MIA3: variants seen among roughly 807,000 people sequenced by gnomAD.
MIA3 encodes transport and Golgi organization protein 1 homolog.
A neutral mutation model predicts 192.4 loss-of-function variants in MIA3; 90 were observed. The observed-to-expected ratio is 0.47, with a 90% CI of 0.39 to 0.56. The LOEUF (loss-of-function observed/expected upper bound fraction) is 0.56, where lower values mean the gene tolerates loss of function less well. MIA3 is among the 20% of genes least tolerant of loss of function. The pLI is 0.00. For missense variants in MIA3, 2,123 were observed against 2,269.4 expected (o/e 0.94, Z 1.31); for synonymous variants, 740 against 792.8 (o/e 0.93, Z 1.12).
intron 3 of MIA3, among the ~76,000 whole-genome samples, chr1:222,627,135 G>A (rs746852907): frequency 7.2e-5 from 11 of 152,226 alleles, no homozygotes; most frequent in Non-Finnish European, 1.5e-4. Flanking sequence ...GGAGTATGCA[G>A]AAATAATGGG....
chr1:222,629,952 G>A lies in MIA3; in HGVS notation c.2732G>A (p.Ser911Asn). 6.2e-7 allele frequency: 1 copy of A among 1,614,136 alleles called. No homozygotes were observed. Among genetic ancestry groups the A allele is most frequent in the Non-Finnish European group, 8.5e-7 (1 of 1,180,034 alleles). The change falls in exon 4 of 28, where the codon AGT becomes AAT. Residue 911 changes from serine (S) to asparagine (N), a missense_variant. Ser to Asn is a conservative substitution (Grantham distance 46, BLOSUM62 1). This residue lies in a region of MIA3 where 1,357 missense variants were observed against 1,396.1 expected (regional missense o/e 0.97). Coordinates refer to ENST00000344922, the MANE Select transcript of MIA3 (RefSeq NM_198551.4). ...TCGTTCCACTGGACTCCACATACAAGTGTAGAGCCAGGGCATAGTGACAAG... is the reference window on the plus strand; with the variant it reads ...TCGTTCCACTGGACTCCACATACAAATGTAGAGCCAGGGCATAGTGACAAG... ...DDSFHWTPHT[S>N]VEPGHSDKRE... is the part of the protein sequence containing the mutation.
chr1:222,651,008 C>G, intron 11 of MIA3, 105 bp downstream of exon 11: 2 of 667,076 alleles, frequency 3.0e-6, no homozygotes, highest in Non-Finnish European at 2.5e-6. Context: ...AGTAAGAGTG[C>G]GAGTCAGGGA....
Position 222,659,771 on chromosome 1 carries a change from A to G in MIA3, c.4844A>G (p.Glu1615Gly). The change falls in exon 22 of 28, where the codon GAG (glutamate) becomes GGG (glycine). Residue 1615 changes from glutamate (E) to glycine (G), a missense_variant. Physicochemically the swap from Glu to Gly is moderately conservative, Grantham distance 98. This residue lies in a region of MIA3 where 762 missense variants were observed against 856.4 expected (regional missense o/e 0.89). Transcript: ENST00000344922. ...GCTGCAGAAAGAGCTATAGCTGAAG[A>G]GAAAAGGGAAGCTGCCAATTTGAGA... ...ARAAERAIAE[E>G]KREAANLRHK... is the part of the protein sequence containing the mutation. The G allele has an allele frequency of 6.2e-7, 1 of 1,614,142 alleles. No individual in the cohort carries two copies. The highest frequency in any genetic ancestry group is 1.6e-4 in the Middle Eastern group (1 of 6,062).
chr1:222,652,880 A>G, intron 13 of MIA3, 128 bp from the exon 14 acceptor site: 1 of 979,446 alleles, frequency 1.0e-6, no homozygotes. Flanking sequence ...CACTTAACCA[A>G]GGTCTTAGCC....
chr1:222,628,304 G>A lies in MIA3; in HGVS notation c.1084G>A (p.Asp362Asn), dbSNP rs1571865328. The A allele has an allele frequency of 1.2e-6, 2 of 1,613,864 alleles. No homozygotes were observed. Among genetic ancestry groups the A allele is most frequent in the Non-Finnish European group, 8.5e-7 (1 of 1,179,960 alleles). ...TDKEQNSNEE[D>N]KVQLTVPPGI... ...TAAAGAGCAGAATTCAAATGAAGAG[G>A]ACAAGGTTCAGCTAACTGTGCCCCC... The change falls in exon 4 of 28, where the codon GAC becomes AAC. Residue 362 changes from aspartate (D) to asparagine (N), a missense_variant. Physicochemically the swap from Asp to Asn is conservative, Grantham distance 23 (BLOSUM62 1). Around this residue, in one of 3 missense-constraint regions of MIA3, gnomAD observed 1,357 missense variants for 1,396.1 expected, o/e 0.97. Transcript: ENST00000344922.
intron 9 of MIA3, 112 bp downstream of exon 9, chr1:222,650,492 T>C (rs1253613960): frequency 1.2e-6 from 1 of 816,198 alleles, no homozygotes; most frequent in Non-Finnish European, 2.0e-6. Context: ...ATTATTACAT[T>C]AATTCCTATA....
At chr1:222,632,648 G>C (rs1662450837) in intron 5 of MIA3, among the ~76,000 whole-genome samples, 1 of 152,176 alleles carries the variant, frequency 6.6e-6, no homozygotes, top group Non-Finnish European at 1.5e-5. Flanking sequence ...GAAACTCTGG[G>C]GGTGGAACCG....
chr1:222,636,710 C>T (rs1213957614), intron 6 of MIA3, among the ~76,000 whole-genome samples: 2 of 152,060 alleles, frequency 1.3e-5, no homozygotes, highest in Admixed American at 6.6e-5. Flanking sequence ...GACAGGGTTT[C>T]ATCATCTTGG....
At chr1:222,633,671 C>T (rs3002145) in intron 6 of MIA3, among the ~76,000 whole-genome samples, 16,021 of 151,290 alleles carry the variant, frequency 0.11, 1,046 homozygotes, top group Non-Finnish European at 0.14. Flanking sequence ...TAAGCAGATT[C>T]GAAAGAGATG....
chr1:222,645,661 T>G lies in MIA3; in HGVS notation c.3585T>G (p.Ile1195Met), dbSNP rs141743569. ...TAFLGIASFA[I>M]FLWRTVLVVK... is the part of the protein sequence containing the mutation. ...TCTTGGGAATTGCTTCGTTTGCCAT[T>G]TTCTTATGGAGAACTGTCCTTGTTG... is the stretch of plus-strand genomic sequence containing the variant. The change falls in exon 7 of 28, where the codon ATT (isoleucine) becomes ATG (methionine). Residue 1195 changes from isoleucine (I) to methionine (M), a missense_variant. Coordinates refer to ENST00000344922, the MANE Select transcript of MIA3 (RefSeq NM_198551.4). 6.2e-7 allele frequency: 1 copy of G among 1,614,034 alleles called. No homozygotes were observed. The highest frequency in any genetic ancestry group is 1.7e-5 in the Admixed American group (1 of 60,028).
Position 222,618,252 on chromosome 1 carries a change from G to T in MIA3, c.133+9G>T, listed in dbSNP as rs985704163. The T allele has an allele frequency of 3.5e-6, 5 of 1,434,506 alleles. No individual in the cohort carries two copies. Among genetic ancestry groups the T allele is most frequent in the Non-Finnish European group, 3.7e-6 (4 of 1,082,004 alleles). The allele number at this position is 1,434,506 out of a possible 1,614,324, so 88.9% of individuals were successfully genotyped here. Reference sequence around the variant, plus strand: ...GGACGACGAATGCAGCAGTGAGTGCGCTGGAGGGGCGGCTGGCCTCGGGGC... The same window carrying T: ...GGACGACGAATGCAGCAGTGAGTGCTCTGGAGGGGCGGCTGGCCTCGGGGC... On this transcript the variant is annotated intron_variant, in intron 1 of 27. Transcript: ENST00000344922.
In MIA3 at chr1:222,658,716, T is replaced by C; in HGVS notation, c.4608-6T>C. On this transcript the variant is annotated splice_polypyrimidine_tract_variant and splice_region_variant and intron_variant, in intron 18 of 27. Transcript: ENST00000344922. Reference sequence around the variant, plus strand: ...ACACTTTCATTGACAACCAGTTTTATCTTAGGAAACTGAGTCAAGAAGAGT... The same window carrying C: ...ACACTTTCATTGACAACCAGTTTTACCTTAGGAAACTGAGTCAAGAAGAGT... 1 of 1,599,788 alleles carries C rather than the reference T, an allele frequency of 6.3e-7. No homozygotes were observed. The highest frequency in any genetic ancestry group is 8.5e-7 in the Non-Finnish European group (1 of 1,173,750).
chr1:222,627,542 A>G (rs1209007315), intron 3 of MIA3, 33 bp from the exon 4 acceptor site: 2 of 1,505,188 alleles, frequency 1.3e-6, no homozygotes, highest in Non-Finnish European at 1.8e-6. Context: ...ACACTTGGCT[A>G]TTGACAGACT....
At chr1:222,647,929 T>G (rs1382303994) in intron 7 of MIA3, 1 of 385,214 alleles carries the variant, frequency 2.6e-6, no homozygotes, top group East Asian at 7.6e-5. Context: ...ATATTAATTA[T>G]TGTATACAGT....
At chr1:222,650,595 C>T in intron 9 of MIA3, 39 bp from the exon 10 acceptor site, 2 of 1,390,910 alleles carry the variant, frequency 1.4e-6, no homozygotes, top group South Asian at 1.2e-5. Flanking sequence ...TAGCACTATA[C>T]TTTATATTTC....
chr1:222,623,512 T>A (rs1209223768), intron 2 of MIA3, among the ~76,000 whole-genome samples: 1 of 152,200 alleles, frequency 6.6e-6, no homozygotes, highest in East Asian at 1.9e-4. Context: ...CTCATTTGTT[T>A]CTTAGTTTTC....
chr1:222,655,832 C>G (rs1663687744), intron 18 of MIA3, among the ~76,000 whole-genome samples: 1 of 152,124 alleles, frequency 6.6e-6, no homozygotes, highest in African/African-American at 2.4e-5. Context: ...TCAACTTCCC[C>G]AAAATTCATT....
intron 15 of MIA3, 46 bp downstream of exon 15, chr1:222,653,385 T>C: frequency 8.0e-7 from 1 of 1,250,454 alleles, no homozygotes; most frequent in Non-Finnish European, 1.2e-6. Flanking sequence ...CCTTCCTGTC[T>C]TTAAGTGCAC....
chr1:222,645,841 T>C (rs1663112018), intron 7 of MIA3, 156 bp downstream of exon 7: 4 of 656,718 alleles, frequency 6.1e-6, no homozygotes, highest in African/African-American at 1.9e-5. Flanking sequence ...TTTGTGTTGG[T>C]AAATTCTTAA....
Sources: allele counts gnomAD v4.1 joint callset (sites outside exome capture counted in the v4.1 genomes callset), GRCh38; gene constraint gnomAD v4.1.1; regional missense constraint gnomAD v4.1.1; transcripts MANE v1.5; gene names NCBI Gene and HGNC (gene_info 2026-07-23, HGNC 2026-07-21).